CHST11: variants seen among roughly 807,000 people sequenced by gnomAD.
CHST11 encodes the protein C4S-1.
CHST11 carries 9 observed loss-of-function variants against 30.4 expected under a neutral mutation model. That is an observed-to-expected ratio of 0.30 (90% CI 0.18 to 0.52). The LOEUF (loss-of-function observed/expected upper bound fraction) is 0.52. Among genes scored for constraint, CHST11 ranks in the 20% least tolerant of loss-of-function variants. The pLI is 0.97. For missense variants in CHST11, 348 were observed against 460.6 expected (o/e 0.76, Z 2.24); for synonymous variants, 152 against 187.8 (o/e 0.81, Z 1.56).
At chr12:104,497,427 A>G (rs2037809222) in intron 1 of CHST11, among the ~76,000 whole-genome samples, 2 of 152,294 alleles carry the variant, frequency 1.3e-5, no homozygotes, top group Admixed American at 1.3e-4. Context: ...ACCCTGCTTG[A>G]CACCTTGATC....
At chr12:104,601,338 CAT>C (rs2136046691) in intron 1 of CHST11, among the ~76,000 whole-genome samples, 1 of 152,342 alleles carries the variant, frequency 6.6e-6, no homozygotes, top group South Asian at 2.1e-4. Context: ...TGTCTGGAAT[CAT>C]AAACTCTTGT....
At chr12:104,628,633 A>G (rs947597417) in intron 2 of CHST11, among the ~76,000 whole-genome samples, 5 of 152,014 alleles carry the variant, frequency 3.3e-5, no homozygotes, top group African/African-American at 1.2e-4. Context: ...CTCCCTCTTC[A>G]GCCTCATCTT....
At chr12:104,645,844 T>C (rs1247658347) in intron 2 of CHST11, among the ~76,000 whole-genome samples, 1 of 152,218 alleles carries the variant, frequency 6.6e-6, no homozygotes, top group Non-Finnish European at 1.5e-5. Context: ...AGGGTATCCA[T>C]CTACCTACAA....
intron 2 of CHST11, among the ~76,000 whole-genome samples, chr12:104,749,690 C>A (rs190446067): frequency 2.4e-4 from 37 of 152,318 alleles, no homozygotes; most frequent in African/African-American, 8.2e-4. Context: ...TTGGTCCCAT[C>A]AGTAGTTCCG....
At chr12:104,547,191 G>A (rs569630866) in intron 1 of CHST11, among the ~76,000 whole-genome samples, 65 of 152,280 alleles carry the variant, frequency 4.3e-4, no homozygotes, top group Admixed American at 1.2e-3. Flanking sequence ...AGATCTTCCC[G>A]AGGACTGGAT....
At chr12:104,524,039 CT>C (rs10594720) in intron 1 of CHST11, among the ~76,000 whole-genome samples, 34,461 of 127,706 alleles carry the variant, frequency 0.27, 3,584 homozygotes, top group Middle Eastern at 0.35. Flanking sequence ...TTCTTTCTTT[CT>C]TTTTTTTTTT....
chr12:104,757,408 A>G lies in CHST11; in HGVS notation c.664A>G (p.Lys222Glu), dbSNP rs144669669. The change falls in exon 3 of 3, where the codon AAG becomes GAG. Residue 222 changes from lysine (K) to glutamate (E), a missense_variant. Around this residue, in one of 3 missense-constraint regions of CHST11, gnomAD observed 210 missense variants for 287.2 expected, o/e 0.73. Transcript: ENST00000303694. This position sits in a 1 kb window ranked among gnomAD's most constrained non-coding sequence, Gnocchi z 6.5. ...CACCAAGATCATCAAACGCCAGCGG[A>G]AGAACGCCACCCAGGAGGCCCTGCG... ...YGTKIIKRQR[K>E]NATQEALRKG... The G allele has an allele frequency of 6.2e-7, 1 of 1,613,968 alleles. No homozygotes were observed. The highest frequency in any genetic ancestry group is 1.3e-5 in the African/African-American group (1 of 74,886).
At chr12:104,628,047 G>A (rs142598409) in intron 2 of CHST11, among the ~76,000 whole-genome samples, 9 of 152,288 alleles carry the variant, frequency 5.9e-5, no homozygotes, top group Admixed American at 2.0e-4. Flanking sequence ...TGATAGCAGC[G>A]GGAGGTAATC....
rs533642147 is a variant in CHST11, at chr12:104,615,903, G to A, written c.204+13912G>A. 5.9e-4 allele frequency among the ~76,000 whole-genome samples: 90 copies of A among 152,268 alleles called. No homozygotes were observed. The Middle Eastern group carries it at 0.01, about 17-fold the overall frequency. On this transcript the variant is annotated intron_variant, in intron 2 of 2. Transcript: ENST00000303694. ...AGATCACACCACTGCACTGCAGCCTGGGTGACAGAGCAAGACTCTGTCTCA... is the reference window on the plus strand; with the variant it reads ...AGATCACACCACTGCACTGCAGCCTAGGTGACAGAGCAAGACTCTGTCTCA...
intron 1 of CHST11, among the ~76,000 whole-genome samples, chr12:104,520,722 T>C (rs764481508): frequency 1.3e-5 from 2 of 152,104 alleles, no homozygotes; most frequent in Non-Finnish European, 2.9e-5. Context: ...GCTAAATCTG[T>C]CCCAGGCTCA....
chr12:104,695,695 T>G (rs979545078), intron 2 of CHST11, among the ~76,000 whole-genome samples: 1 of 152,140 alleles, frequency 6.6e-6, no homozygotes, highest in Non-Finnish European at 1.5e-5. Context: ...TTTTTTTAAT[T>G]CTGTGACCAC....
intron 1 of CHST11, among the ~76,000 whole-genome samples, chr12:104,579,692 C>T (rs775915549): frequency 1.3e-5 from 2 of 152,148 alleles, no homozygotes; most frequent in African/African-American, 2.4e-5. Context: ...CTCAGCAGCC[C>T]GGCAGGGGAG....
At chr12:104,524,705 A>G (rs2038107458) in intron 1 of CHST11, among the ~76,000 whole-genome samples, 1 of 152,038 alleles carries the variant, frequency 6.6e-6, no homozygotes, top group African/African-American at 2.4e-5. Context: ...ATTTTGGCAA[A>G]TGGTTATCAA....
intron 1 of CHST11, among the ~76,000 whole-genome samples, chr12:104,462,661 AG>A (rs2037420854): frequency 6.6e-6 from 1 of 152,198 alleles, no homozygotes; most frequent in African/African-American, 2.4e-5. Context: ...TCCATTGAAA[AG>A]GTGTCAAGAG....
intron 1 of CHST11, among the ~76,000 whole-genome samples, chr12:104,485,660 A>C (rs115356621): frequency 6.6e-6 from 1 of 152,238 alleles, no homozygotes; most frequent in Non-Finnish European, 1.5e-5. Context: ...GCACTTCTCT[A>C]TGTTCCCTGA....
chr12:104,519,469 C>T (rs1027586209), intron 1 of CHST11, among the ~76,000 whole-genome samples: 1 of 152,144 alleles, frequency 6.6e-6, no homozygotes, highest in African/African-American at 2.4e-5. Flanking sequence ...TCGAGGCAGC[C>T]ACAGGATGGG....
intron 1 of CHST11, among the ~76,000 whole-genome samples, chr12:104,595,634 G>A (rs2038900737): frequency 6.6e-6 from 1 of 152,186 alleles, no homozygotes; most frequent in Non-Finnish European, 1.5e-5. Context: ...TTAGTTTGGT[G>A]GCAGAGCCAG....
At chr12:104,667,583 A>G (rs2039653159) in intron 2 of CHST11, among the ~76,000 whole-genome samples, 1 of 152,182 alleles carries the variant, frequency 6.6e-6, no homozygotes, top group African/African-American at 2.4e-5. Flanking sequence ...TAACTTTTTC[A>G]TCTGCATTTC....
chr12:104,533,314 G>A lies in CHST11; in HGVS notation c.119-68592G>A, dbSNP rs1012168881. Among the ~76,000 whole-genome samples the A allele has an allele frequency of 5.3e-5, 8 of 152,182 alleles. No homozygotes were observed. In the East Asian group the frequency reaches 9.6e-4, roughly 18 times the overall value. On this transcript the variant is annotated intron_variant, in intron 1 of 2. Coordinates refer to ENST00000303694, the MANE Select transcript of CHST11 (RefSeq NM_018413.6). Reference sequence around the variant, plus strand: ...GAATAGGAAGAAGTGTAATGAACTCGTAAACATGATCAGGTGTTCCCAGCG... The same window carrying A: ...GAATAGGAAGAAGTGTAATGAACTCATAAACATGATCAGGTGTTCCCAGCG...
Sources: gnomAD v4.1 joint callset for allele counts (sites outside exome capture counted in the v4.1 genomes callset) on GRCh38, gnomAD v4.1.1 for gene constraint, gnomAD v4.1.1 regional missense constraint, Gnocchi (gnomAD v3.1) non-coding constraint, MANE v1.5 for transcripts, NCBI Gene and HGNC (gene_info 2026-07-23, HGNC 2026-07-21) for gene names.